The following CBLB variants were observed in gnomAD, a reference collection of about 807,000 sequenced individuals.
CBLB encodes the protein E3 ubiquitin-protein ligase CBL-B.
In CBLB, 31 loss-of-function variants were observed where a neutral mutation model predicts 104.9. That is an observed-to-expected ratio of 0.30 (90% CI 0.22 to 0.40). The LOEUF is 0.40. CBLB is among the 10% of genes least tolerant of loss of function. CBLB has a pLI of 1.00. For missense variants in CBLB, 1,062 were observed against 1,214.6 expected, an observed-to-expected ratio of 0.87 and a Z score of 1.87; for synonymous variants, 440 against 422.6, an observed-to-expected ratio of 1.04 and a Z score of -0.51.
intron 10 of CBLB, among the ~76,000 whole-genome samples, chr3:105,714,258 C>T (rs1049019395): frequency 1.3e-5 from 2 of 152,022 alleles, no homozygotes; most frequent in Admixed American, 6.6e-5. Context: ...GGACTGGTTT[C>T]GTAGAAGACA....
At chr3:105,817,499 G>C (rs1474727552) in intron 3 of CBLB, among the ~76,000 whole-genome samples, 2 of 152,160 alleles carry the variant, frequency 1.3e-5, no homozygotes, top group African/African-American at 2.4e-5. Flanking sequence ...AACCCTACAA[G>C]AGGAATGCAC....
chr3:105,868,057 A>G (rs923898895), intron 1 of CBLB: 1 of 499,182 alleles, frequency 2.0e-6, no homozygotes, highest in African/African-American at 2.0e-5. Flanking sequence ...GATTTCTCCA[A>G]GTTACATAAA....
intron 13 of CBLB, among the ~76,000 whole-genome samples, chr3:105,690,023 G>C (rs767233587): frequency 7.3e-4 from 2 of 2,728 alleles, no homozygotes; most frequent in Admixed American, 6.8e-3. Context: ...AGTTTAACAG[G>C]AAACACTATG....
At chr3:105,715,459 T>A (rs2071718038) in intron 10 of CBLB, among the ~76,000 whole-genome samples, 1 of 152,230 alleles carries the variant, frequency 6.6e-6, no homozygotes, top group African/African-American at 2.4e-5. Context: ...ACTATATGTT[T>A]AGTATGCTAC....
At chr3:105,729,181 G>A (rs1380044189) in intron 9 of CBLB, among the ~76,000 whole-genome samples, 2 of 152,026 alleles carry the variant, frequency 1.3e-5, no homozygotes, top group South Asian at 2.1e-4. Flanking sequence ...ATGTCTAGCA[G>A]CCATAATTAA....
chr3:105,846,350 T>A (rs1002445721), intron 3 of CBLB, among the ~76,000 whole-genome samples: 7 of 152,050 alleles, frequency 4.6e-5, no homozygotes, highest in African/African-American at 1.7e-4. Context: ...CTTTCATGTA[T>A]CATTACATAT....
intron 3 of CBLB, among the ~76,000 whole-genome samples, chr3:105,815,948 G>A (rs1427778396): frequency 1.3e-5 from 2 of 152,100 alleles, no homozygotes; most frequent in Admixed American, 1.3e-4. Flanking sequence ...CACAGGAAGA[G>A]AAAAGCAAAA....
chr3:105,854,984 T>C (rs1485504751), intron 2 of CBLB, among the ~76,000 whole-genome samples: 1 of 152,172 alleles, frequency 6.6e-6, no homozygotes, highest in Non-Finnish European at 1.5e-5. Flanking sequence ...TGGGTGGCAC[T>C]GGAGTGGCTG....
chr3:105,852,937 G>T (rs1393850508), intron 3 of CBLB, among the ~76,000 whole-genome samples: 2 of 151,856 alleles, frequency 1.3e-5, no homozygotes, highest in Admixed American at 1.3e-4. Context: ...GGCTGGTCTC[G>T]AACTCCCGAC....
At chr3:105,724,086 T>C (rs2073268131) in intron 9 of CBLB, 1 of 174,414 alleles carries the variant, frequency 5.7e-6, no homozygotes, top group East Asian at 9.8e-5. Flanking sequence ...ATAGCAATTA[T>C]AACTGGAAAA....
At chr3:105,745,864 A>T (rs1369442566) in intron 6 of CBLB, 53 bp downstream of exon 6, 1 of 1,547,280 alleles carries the variant, frequency 6.5e-7, no homozygotes, top group Non-Finnish European at 8.9e-7. Context: ...CAAACCATGG[A>T]GAATTTTTCA....
chr3:105,686,907 T>C (rs1162540111), intron 13 of CBLB, among the ~76,000 whole-genome samples: 1 of 152,104 alleles, frequency 6.6e-6, no homozygotes, highest in Non-Finnish European at 1.5e-5. Context: ...TTAATAATAA[T>C]CTATTATTAC....
rs538137700 is a variant in CBLB at position 105,750,846 on chromosome 3, A to C, written c.723+616T>G. ...TAGAGAAAATGTGGGAAAAGACCTA[A>C]ATTTTTCAAAAGAGAGCTTTGTTAA... On this transcript the variant is annotated intron_variant, in intron 5 of 18. Transcript: ENST00000394030. 7.9e-5 allele frequency among the ~76,000 whole-genome samples: 12 copies of C among 152,300 alleles called. No homozygotes were observed. In the South Asian group the frequency reaches 1.5e-3, roughly 18 times the overall value.
intron 3 of CBLB, among the ~76,000 whole-genome samples, chr3:105,851,397 G>GT (rs1486534357): frequency 1.3e-5 from 2 of 152,150 alleles, no homozygotes. Context: ...GAGACAGTAA[G>GT]TAGATCACGG....
intron 6 of CBLB, among the ~76,000 whole-genome samples, chr3:105,741,747 C>T (rs188987345): frequency 1.3e-5 from 2 of 151,910 alleles, no homozygotes; most frequent in Non-Finnish European, 2.9e-5. Flanking sequence ...TCTCGATATC[C>T]TGACCTCATG....
intron 3 of CBLB, among the ~76,000 whole-genome samples, chr3:105,786,770 T>C (rs2152987529): frequency 6.6e-6 from 1 of 152,290 alleles, no homozygotes; most frequent in African/African-American, 2.4e-5. Flanking sequence ...TCCTAAAAAA[T>C]GCAACTAAAA....
intron 6 of CBLB, among the ~76,000 whole-genome samples, chr3:105,744,741 C>T (rs1214252640): frequency 2.6e-5 from 4 of 151,964 alleles, no homozygotes; most frequent in Non-Finnish European, 5.9e-5. Flanking sequence ...ACCATCCTGA[C>T]CAACATGGTG....
At chr3:105,826,962 G>T (rs1486622965) in intron 3 of CBLB, among the ~76,000 whole-genome samples, 2 of 152,134 alleles carry the variant, frequency 1.3e-5, no homozygotes, top group African/African-American at 2.4e-5. Flanking sequence ...AAGATGCGTG[G>T]TATTTACATA....
chr3:105,695,392 T>G (rs950296912), intron 12 of CBLB, among the ~76,000 whole-genome samples: 1 of 151,830 alleles, frequency 6.6e-6, no homozygotes, highest in African/African-American at 2.4e-5. Context: ...TTGAAATTGC[T>G]TTCATCTTGC....
Sources: allele counts gnomAD v4.1 joint callset (sites outside exome capture counted in the v4.1 genomes callset), GRCh38; gene constraint gnomAD v4.1.1; transcripts MANE v1.5; gene names NCBI Gene and HGNC (gene_info 2026-07-23, HGNC 2026-07-21).